Variants in TMEM117 observed in about 807,000 individuals in gnomAD.
TMEM117 encodes transmembrane protein 117.
A neutral mutation model predicts 52.4 loss-of-function variants in TMEM117; 27 were observed. The ratio of observed to expected loss-of-function variants is 0.51; its 90% CI spans 0.38 to 0.71. The LOEUF is 0.71. Ranked by LOEUF, TMEM117 falls within the 30% of genes least tolerant of loss-of-function variation. TMEM117 has a pLI of 0.00. For missense variants in TMEM117, 556 were observed against 630.5 expected (o/e 0.88, Z 1.26); for synonymous variants, 215 against 206.3 (o/e 1.04, Z -0.36).
chr12:43,809,202 A>ATCAT, the TMEM117 span, among the ~76,000 whole-genome samples: 67 of 152,370 alleles, frequency 4.4e-4, no homozygotes, highest in Non-Finnish European at 6.0e-4. Flanking sequence ...AACTAAAAAA[A>ATCAT]TCATTCATCC....
rs1180484202 is a variant in TMEM117 at position 44,325,567 on chromosome 12, A to G, written c.768+25828A>G. ...TGAATTGGTTGTTCACATCCTTTAC[A>G]TAATTTTATCTTAGGATGGTTAATA... On this transcript the variant is annotated intron_variant, in intron 6 of 7. Transcript: ENST00000266534. 4.0e-5 allele frequency among the ~76,000 whole-genome samples: 6 copies of G among 151,698 alleles called. No homozygotes were observed. The South Asian group carries it at 8.3e-4, about 21-fold the overall frequency.
In TMEM117 at chr12:44,330,343, C is replaced by CTA. The variant is rs1362712160; in HGVS notation, c.768+30605_768+30606insAT. ...TCCTCCTAATAACCCTAGAAGCCTC[C>CTA]TGACTATGCTCTAAGGCAGCTCTGT... is the stretch of plus-strand genomic sequence containing the variant. On this transcript the variant is annotated intron_variant, in intron 6 of 7. Coordinates refer to ENST00000266534, the MANE Select transcript of TMEM117 (RefSeq NM_032256.3). Among the ~76,000 whole-genome samples the CTA allele has an allele frequency of 3.3e-5, 5 of 152,088 alleles. No individual in the cohort carries two copies. In the South Asian group the frequency reaches 6.2e-4, roughly 19 times the overall value.
At chr12:43,957,055 A>G (rs1945320089) in intron 3 of TMEM117, among the ~76,000 whole-genome samples, 2 of 152,226 alleles carry the variant, frequency 1.3e-5, no homozygotes, top group African/African-American at 4.8e-5. Context: ...ATGCAGGAAC[A>G]GAAAACCAAA....
chr12:44,324,573 T>C (rs1053500716), intron 6 of TMEM117, among the ~76,000 whole-genome samples: 1 of 151,998 alleles, frequency 6.6e-6, no homozygotes, highest in Non-Finnish European at 1.5e-5. Flanking sequence ...GGAAAAAAAA[T>C]TGAAAGACTA....
intron 4 of TMEM117, among the ~76,000 whole-genome samples, chr12:44,207,013 AGAAAC>A (rs1949577358): frequency 6.6e-6 from 1 of 152,240 alleles, no homozygotes; most frequent in Admixed American, 6.5e-5. Context: ...TAAAGCAAGA[AGAAAC>A]TATCTAAACA....
At chr12:43,811,913 A>G in the TMEM117 span, among the ~76,000 whole-genome samples, 3 of 152,240 alleles carry the variant, frequency 2.0e-5, no homozygotes, top group African/African-American at 4.8e-5. Flanking sequence ...GAAATACTGT[A>G]TATCTTTCAG....
At chr12:43,881,106 T>G (rs991461554) in intron 2 of TMEM117, among the ~76,000 whole-genome samples, 2 of 152,350 alleles carry the variant, frequency 1.3e-5, no homozygotes, top group East Asian at 3.8e-4. Context: ...ACTGTTCATC[T>G]TATGTATATG....
At position 43,844,765 on chromosome 12, in the gene TMEM117, C is replaced by T; in HGVS notation, c.114C>T (p.Ser38=). Residue 38 remains serine (S), a synonymous_variant, in exon 2 of 8, where the codon AGC becomes AGT. Coordinates refer to ENST00000266534, the MANE Select transcript of TMEM117 (RefSeq NM_032256.3). ...LIFAEDPVSH[S]QTEANVIVVG... ...TTGCGGAGGACCCAGTTTCTCATAG[C>T]CAAACAGAAGCCAATGTTATTGTTG... is the stretch of plus-strand genomic sequence containing the variant. 1.2e-6 allele frequency: 2 copies of T among 1,614,110 alleles called. No individual in the cohort carries two copies. The highest frequency in any genetic ancestry group is 1.7e-6 in the Non-Finnish European group (2 of 1,180,010).
intron 3 of TMEM117, among the ~76,000 whole-genome samples, chr12:44,105,266 C>T (rs1947932947): frequency 6.6e-6 from 1 of 151,946 alleles, no homozygotes; most frequent in Non-Finnish European, 1.5e-5. Context: ...CTAAGGAGCT[C>T]ATCACAGGCA....
chr12:44,137,474 T>C (rs981793442), intron 3 of TMEM117, among the ~76,000 whole-genome samples: 7 of 152,106 alleles, frequency 4.6e-5, no homozygotes, highest in African/African-American at 1.7e-4. Flanking sequence ...AAAATGAAGA[T>C]GCCTTGCAGA....
At chr12:43,894,770 A>C (rs942734173) in intron 2 of TMEM117, among the ~76,000 whole-genome samples, 2 of 151,816 alleles carry the variant, frequency 1.3e-5, no homozygotes, top group Admixed American at 6.6e-5. Flanking sequence ...GTGTATGTAC[A>C]TTTTCTTTAT....
chr12:43,869,110 T>A (rs563375564), intron 2 of TMEM117, among the ~76,000 whole-genome samples: 1 of 152,144 alleles, frequency 6.6e-6, no homozygotes, highest in East Asian at 1.9e-4. Context: ...TAGAAAAAAA[T>A]TCTTGATAGT....
intron 4 of TMEM117, among the ~76,000 whole-genome samples, chr12:44,168,920 A>G (rs1220130354): frequency 6.6e-6 from 1 of 152,130 alleles, no homozygotes; most frequent in Non-Finnish European, 1.5e-5. Context: ...TAGGAATTTG[A>G]CTACACTAGG....
At chr12:44,225,424 G>GAAC (rs1949847941) in intron 5 of TMEM117, among the ~76,000 whole-genome samples, 1 of 152,130 alleles carries the variant, frequency 6.6e-6, no homozygotes, top group Admixed American at 6.6e-5. Context: ...GGAATTAAAA[G>GAAC]AACAGCATGT....
intron 2 of TMEM117, among the ~76,000 whole-genome samples, chr12:43,937,913 T>G (rs1944979034): frequency 6.6e-6 from 1 of 152,162 alleles, no homozygotes; most frequent in African/African-American, 2.4e-5. Flanking sequence ...CTCAGTGTTA[T>G]AGACCACAGG....
Position 44,299,564 on chromosome 12 carries a change from G to A in TMEM117, c.609-16G>A. The A allele has an allele frequency of 6.2e-7, 1 of 1,613,662 alleles. No individual in the cohort carries two copies. The highest frequency in any genetic ancestry group is 8.5e-7 in the Non-Finnish European group (1 of 1,179,756). On this transcript the variant is annotated splice_polypyrimidine_tract_variant and intron_variant, in intron 5 of 7. Coordinates refer to ENST00000266534, the MANE Select transcript of TMEM117 (RefSeq NM_032256.3). Reference sequence around the variant, plus strand: ...TTATGCCTTATGTTCTTTAATGAGTGTCTTGTTCCTTACAGGACAGTTCTT... The same window carrying A: ...TTATGCCTTATGTTCTTTAATGAGTATCTTGTTCCTTACAGGACAGTTCTT...
At chr12:44,120,708 G>T (rs1450295716) in intron 3 of TMEM117, among the ~76,000 whole-genome samples, 1 of 152,094 alleles carries the variant, frequency 6.6e-6, no homozygotes, top group Non-Finnish European at 1.5e-5. Flanking sequence ...TCATTTATCT[G>T]CTGACCCTTA....
At chr12:44,152,528 ATT>A (rs1948758611) in intron 4 of TMEM117, among the ~76,000 whole-genome samples, 2 of 119,506 alleles carry the variant, frequency 1.7e-5, no homozygotes, top group Admixed American at 9.6e-5. Flanking sequence ...TTATATATAT[ATT>A]TATATCATAT....
intron 6 of TMEM117, among the ~76,000 whole-genome samples, chr12:44,323,888 G>A (rs1951164570): frequency 6.6e-6 from 1 of 151,888 alleles, no homozygotes; most frequent in Non-Finnish European, 1.5e-5. Flanking sequence ...TTAAAATCAT[G>A]GTTATGTTAG....
Sources: allele counts gnomAD v4.1 joint callset (sites outside exome capture counted in the v4.1 genomes callset), GRCh38; gene constraint gnomAD v4.1.1; transcripts MANE v1.5; gene names NCBI Gene and HGNC (gene_info 2026-07-23, HGNC 2026-07-21).